Variants in ARPIN observed in about 807,000 individuals in gnomAD.
The protein encoded by ARPIN is actin related protein 2/3 complex inhibitor, also known as UPF0552 protein C15orf38.
Under a neutral mutation model 25.9 loss-of-function variants are expected in ARPIN, and 23 were observed. The observed-to-expected ratio is 0.89, with a 90% CI of 0.64 to 1.26. The LOEUF is 1.26. ARPIN is among the 50% of genes most tolerant of loss of function. ARPIN has a pLI of 0.00. For missense variants in ARPIN, 333 were observed against 312.2 expected (o/e 1.07, Z -0.50); for synonymous variants, 126 against 131.4 (o/e 0.96, Z 0.28).
intron 1 of ARPIN, among the ~76,000 whole-genome samples, chr15:89,911,763 A>T (rs1897227781): frequency 6.6e-6 from 1 of 152,124 alleles, no homozygotes; most frequent in Non-Finnish European, 1.5e-5. Flanking sequence ...TATAACTGAA[A>T]GTTTGTACCT....
At position 89,912,921 on chromosome 15, in the gene ARPIN, A is replaced by G. The variant is rs568886297; in HGVS notation, c.-86T>C. ...GGGAAGTGCTGCAGGACGCGCGGGG[A>G]CCCGCGATTCCCAGCCGGCGGATCC... On this transcript the variant is annotated 5_prime_UTR_variant, in exon 1 of 6. Coordinates refer to ENST00000357484, the MANE Select transcript of ARPIN (RefSeq NM_182616.4). 2 of 1,400,630 alleles carry G rather than the reference A, an allele frequency of 1.4e-6. No individual in the cohort carries two copies. The highest frequency in any genetic ancestry group is 1.9e-6 in the Non-Finnish European group (2 of 1,080,760). The allele number at this position is 1,400,630 out of a possible 1,614,324, so 86.8% of individuals were successfully genotyped here. A position where few individuals can be genotyped will look rare whatever the true frequency, so the allele number is the denominator to read the frequency against.
In ARPIN at chr15:89,899,083, C is replaced by CTTTTTTT. The variant is rs774002777; in HGVS notation, c.*2705_*2711dup. 1 of 119,366 alleles carries CTTTTTTT rather than the reference C, an allele frequency of 8.4e-6. No individual in the cohort carries two copies. Among genetic ancestry groups the CTTTTTTT allele is most frequent in the African/African-American group, 3.2e-5 (1 of 30,818 alleles). 7.4% of individuals were successfully genotyped at this position (119,366 alleles called of 1,614,324 possible). On this transcript the variant is annotated 3_prime_UTR_variant, in exon 6 of 6. Coordinates refer to ENST00000357484, the MANE Select transcript of ARPIN (RefSeq NM_182616.4). Reference sequence around the variant, plus strand: ...TACCTGCTGAGCCTGGGACCCTATTCTTTTTTTTTTTTTTTTTTTTGAGAC... The same window carrying CTTTTTTT: ...TACCTGCTGAGCCTGGGACCCTATTCTTTTTTTTTTTTTTTTTTTTTTTTTTTGAGAC...
chr15:89,908,009 G>A (rs1481051007), intron 3 of ARPIN, among the ~76,000 whole-genome samples: 1 of 152,196 alleles, frequency 6.6e-6, no homozygotes, highest in African/African-American at 2.4e-5. Flanking sequence ...AGAGCCCAAA[G>A]CCAGGTTTGT....
At position 89,912,915 on chromosome 15, in the gene ARPIN, G is replaced by C; in HGVS notation, c.-80C>G. On this transcript the variant is annotated 5_prime_UTR_variant, in exon 1 of 6. Transcript: ENST00000357484. The stretch of plus-strand genomic sequence containing the variant: ...CGGCGCGGGAAGTGCTGCAGGACGC[G>C]CGGGGACCCGCGATTCCCAGCCGGC... The C allele has an allele frequency of 2.8e-6, 4 of 1,405,964 alleles. No individual in the cohort carries two copies. The South Asian group carries it at 4.5e-5, about 16-fold the overall frequency. 87.1% of individuals were successfully genotyped at this position (1,405,964 alleles called of 1,614,324 possible).
At chr15:89,905,157 G>A (rs1035871689) in intron 3 of ARPIN, among the ~76,000 whole-genome samples, 1 of 152,060 alleles carries the variant, frequency 6.6e-6, no homozygotes, top group Non-Finnish European at 1.5e-5. Flanking sequence ...GAGTAGATGG[G>A]ATTACAGGCG....
At chr15:89,904,639 A>G (rs1316192348) in intron 3 of ARPIN, among the ~76,000 whole-genome samples, 1 of 152,162 alleles carries the variant, frequency 6.6e-6, no homozygotes, top group African/African-American at 2.4e-5. Flanking sequence ...GGATTAGGGA[A>G]GGGGCACTCC....
chr15:89,910,938 G>T, intron 1 of ARPIN, 119 bp from the exon 2 acceptor site: 1 of 1,229,376 alleles, frequency 8.1e-7, no homozygotes, highest in Non-Finnish European at 1.1e-6. Context: ...CTTTCCCCGT[G>T]CTTCCGACAT....
rs1896951591 is a variant in ARPIN at position 89,897,665 on chromosome 15, G to A, written c.*4130C>T. 1 of 152,108 alleles carries A rather than the reference G, an allele frequency of 6.6e-6. No individual in the cohort carries two copies. 9.4% of individuals were successfully genotyped at this position (152,108 alleles called of 1,614,324 possible). A position where few individuals can be genotyped will look rare whatever the true frequency, so the allele number is the denominator to read the frequency against. ...GCAAGTTTACAAAAACCAAAACTAT[G>A]TACACAAATTACATGCTAAAAAACC... is the stretch of plus-strand genomic sequence containing the variant. On this transcript the variant is annotated 3_prime_UTR_variant, in exon 6 of 6. Transcript: ENST00000357484.
intron 1 of ARPIN, among the ~76,000 whole-genome samples, chr15:89,911,099 G>A (rs947636759): frequency 5.3e-5 from 8 of 152,222 alleles, no homozygotes; most frequent in Non-Finnish European, 1.0e-4. Context: ...ACAAAATGGG[G>A]AGGAAAACAG....
Position 89,908,299 on chromosome 15 carries a change from G to A in ARPIN, c.282C>T (p.Gly94=), listed in dbSNP as rs1567196735. The A allele has an allele frequency of 6.2e-7, 1 of 1,614,232 alleles. No individual in the cohort carries two copies. Among genetic ancestry groups the A allele is most frequent in the South Asian group, 1.1e-5 (1 of 91,084 alleles). The change falls in exon 3 of 6, where the codon GGC becomes GGT. Residue 94 remains glycine, a synonymous_variant. Coordinates refer to ENST00000357484, the MANE Select transcript of ARPIN (RefSeq NM_182616.4). ...NFSATRKVNT[G]FLMSSYKVEA... is the part of the protein sequence containing the mutation. The stretch of plus-strand genomic sequence containing the variant: ...ACCTACTGTAGGACGACATGAGGAA[G>A]CCCGTGTTCACCTTCCTGGTGGCGC...
chr15:89,910,331 T>C (rs905980610), intron 2 of ARPIN, among the ~76,000 whole-genome samples: 15 of 152,080 alleles, frequency 9.9e-5, no homozygotes, highest in African/African-American at 3.4e-4. Flanking sequence ...ATGCCAGGTG[T>C]ACCCACAGAC....
intron 4 of ARPIN, 32 bp from the exon 5 acceptor site, chr15:89,903,411 G>A: frequency 6.2e-7 from 1 of 1,613,262 alleles, no homozygotes; most frequent in Non-Finnish European, 8.5e-7. Flanking sequence ...AATGTCCTCT[G>A]TCCCTGTGGC....
chr15:89,903,416 T>C, intron 4 of ARPIN, 37 bp from the exon 5 acceptor site: 1 of 1,612,700 alleles, frequency 6.2e-7, no homozygotes, highest in East Asian at 2.2e-5. Flanking sequence ...CCTCTGTCCC[T>C]GTGGCAGAAA....
rs3844575 is a variant in ARPIN, at chr15:89,900,515, A to G, written c.*1280T>C. ...AGCTTTAGTCTCATGAGAAAATGGG[A>G]ATAATAATCAGTACCTCATGGACTG... On this transcript the variant is annotated 3_prime_UTR_variant, in exon 6 of 6. Coordinates refer to ENST00000357484, the MANE Select transcript of ARPIN (RefSeq NM_182616.4). The G allele has an allele frequency of 0.76, 116,033 of 152,162 alleles. 44,339 individuals carry two copies. The highest frequency in any genetic ancestry group is 0.82 in the East Asian group (4,230 of 5,160). The allele number at this position is 152,162 out of a possible 1,614,324, so 9.4% of individuals were successfully genotyped here. A position where few individuals can be genotyped will look rare whatever the true frequency, so the allele number is the denominator to read the frequency against.
chr15:89,911,066 G>A (rs1040646838), intron 1 of ARPIN, among the ~76,000 whole-genome samples: 3 of 152,176 alleles, frequency 2.0e-5, no homozygotes, highest in East Asian at 1.9e-4. Context: ...GGAGTTACTG[G>A]AACCAGAGCC....
At chr15:89,908,161 G>A in intron 3 of ARPIN, 119 bp downstream of exon 3, 1 of 1,497,426 alleles carries the variant, frequency 6.7e-7, no homozygotes. Context: ...GCCACATACA[G>A]GGCTTCAACA....
chr15:89,909,996 T>C (rs1897195008), intron 2 of ARPIN, among the ~76,000 whole-genome samples: 1 of 152,210 alleles, frequency 6.6e-6, no homozygotes, highest in African/African-American at 2.4e-5. Flanking sequence ...GAGACACTGC[T>C]GGGCTCTCCT....
chr15:89,910,741 C>T lies in ARPIN; in HGVS notation c.168+3G>A, dbSNP rs1897208094. 1 of 1,614,010 alleles carries T rather than the reference C, an allele frequency of 6.2e-7. No individual in the cohort carries two copies. Among genetic ancestry groups the T allele is most frequent in the East Asian group, 2.2e-5 (1 of 44,904 alleles). On this transcript the variant is annotated splice_donor_region_variant and intron_variant, in intron 2 of 5. Coordinates refer to ENST00000357484, the MANE Select transcript of ARPIN (RefSeq NM_182616.4). ...CTAGCTAGCACCGAGGAAGCATCCT[C>T]ACCTTCCTGCCATGAGTGTCCAAGA...
At position 89,902,980 on chromosome 15, in the gene ARPIN, G is replaced by C; in HGVS notation, c.672+236C>G. On this transcript the variant is annotated intron_variant, in intron 5 of 5. Transcript: ENST00000357484. ...GCACCCCCTCCTTCCTACCACTTGG[G>C]AATCTTTGGGGAATAGTTAGGTTCA... 4.9e-6 allele frequency: 7 copies of C among 1,427,736 alleles called. No homozygotes were observed. The South Asian group carries it at 1.0e-4, about 21-fold the overall frequency. The allele number at this position is 1,427,736 out of a possible 1,614,324, so 88.4% of individuals were successfully genotyped here. A position where few individuals can be genotyped will look rare whatever the true frequency, so the allele number is the denominator to read the frequency against.
Sources: gnomAD v4.1 joint callset for allele counts (sites outside exome capture counted in the v4.1 genomes callset) on GRCh38, gnomAD v4.1.1 for gene constraint, MANE v1.5 for transcripts, NCBI Gene and HGNC (gene_info 2026-07-23, HGNC 2026-07-21) for gene names.